Variants in WDR49 observed in about 807,000 individuals in gnomAD.
WDR49 encodes cilia- and flagella-associated protein 337.
A neutral mutation model predicts 119.5 loss-of-function variants in WDR49; 107 were observed. The observed-to-expected ratio is 0.90, with a 90% CI of 0.77 to 1.05. The LOEUF (loss-of-function observed/expected upper bound fraction) is 1.05. Ranked by LOEUF, WDR49 falls within the 50% of genes least tolerant of loss-of-function variation. The pLI is 0.00. For missense variants in WDR49, 1,240 were observed against 1,220.5 expected, an observed-to-expected ratio of 1.02 and a Z score of -0.24; for synonymous variants, 425 against 418.8, an observed-to-expected ratio of 1.01 and a Z score of -0.18.
intron 5 of WDR49, among the ~76,000 whole-genome samples, chr3:167,608,031 C>A (rs1487178557): frequency 1.3e-5 from 2 of 151,992 alleles, no homozygotes; most frequent in Non-Finnish European, 2.9e-5. Context: ...AAGGAGAATC[C>A]TTTAAGTTTT....
intron 16 of WDR49, among the ~76,000 whole-genome samples, chr3:167,512,806 T>C (rs1164508873): frequency 6.6e-6 from 1 of 152,106 alleles, no homozygotes; most frequent in African/African-American, 2.4e-5. Flanking sequence ...AACTTCACAA[T>C]GCAATCACAA....
At chr3:167,583,003 AAG>A (rs1304329356) in intron 7 of WDR49, among the ~76,000 whole-genome samples, 4 of 150,816 alleles carry the variant, frequency 2.7e-5, no homozygotes, top group South Asian at 2.1e-4. Context: ...TAGAGAGAGA[AAG>A]AGAGAGAGAG....
chr3:167,577,622 C>A (rs1319590386), intron 7 of WDR49, among the ~76,000 whole-genome samples: 1 of 151,936 alleles, frequency 6.6e-6, no homozygotes, highest in African/African-American at 2.4e-5. Context: ...TGATGACCAG[C>A]CTGTAATGCG....
chr3:167,494,842 T>C (rs147039830), intron 18 of WDR49, among the ~76,000 whole-genome samples: 2 of 152,208 alleles, frequency 1.3e-5, no homozygotes, highest in Non-Finnish European at 2.9e-5. Context: ...TGCAGAGTAA[T>C]GTTTTCTGCA....
intron 16 of WDR49, among the ~76,000 whole-genome samples, chr3:167,516,458 C>T (rs1373814294): frequency 6.6e-6 from 1 of 152,078 alleles, no homozygotes; most frequent in East Asian, 1.9e-4. Flanking sequence ...CATAGTATTC[C>T]ATGGTGTATA....
chr3:167,563,464 T>C (rs1324466793), intron 8 of WDR49, among the ~76,000 whole-genome samples: 1 of 152,082 alleles, frequency 6.6e-6, no homozygotes, highest in African/African-American at 2.4e-5. Flanking sequence ...TTGGATTACA[T>C]TCATTACAGA....
chr3:167,519,664 A>G (rs1381166982), intron 16 of WDR49, among the ~76,000 whole-genome samples: 2 of 152,090 alleles, frequency 1.3e-5, no homozygotes, highest in Non-Finnish European at 2.9e-5. Context: ...GGGGAGCATC[A>G]TGAAAAATTG....
intron 3 of WDR49, among the ~76,000 whole-genome samples, chr3:167,625,808 G>T (rs1298516803): frequency 2.0e-5 from 3 of 151,476 alleles, no homozygotes; most frequent in African/African-American, 7.3e-5. Context: ...GGAATGGCTG[G>T]ACATATTAAA....
chr3:167,582,597 T>C (rs1714594396), intron 7 of WDR49, among the ~76,000 whole-genome samples: 1 of 152,122 alleles, frequency 6.6e-6, no homozygotes, highest in African/African-American at 2.4e-5. Context: ...TCATTGACCT[T>C]AAAAGAGGCA....
At chr3:167,604,544 A>G in intron 5 of WDR49, 76 bp from the exon 6 acceptor site, 1 of 1,377,640 alleles carries the variant, frequency 7.3e-7, no homozygotes, top group East Asian at 2.5e-5. Flanking sequence ...GAGCTGTTTT[A>G]ATATGGAAAG....
At chr3:167,564,388 T>C (rs1713464190) in intron 8 of WDR49, among the ~76,000 whole-genome samples, 1 of 152,162 alleles carries the variant, frequency 6.6e-6, no homozygotes, top group Non-Finnish European at 1.5e-5. Context: ...CAAAGTTTAG[T>C]GAAAGAGGAG....
At chr3:167,549,816 T>C (rs1218039502) in intron 10 of WDR49, among the ~76,000 whole-genome samples, 6 of 152,216 alleles carry the variant, frequency 3.9e-5, no homozygotes, top group Non-Finnish European at 5.9e-5. Flanking sequence ...CCAGGATGTT[T>C]ACGGTTTTAG....
In WDR49 at chr3:167,560,102, T is replaced by A; in HGVS notation, c.1636A>T (p.Thr546Ser). 1 of 1,614,124 alleles carries A rather than the reference T, an allele frequency of 6.2e-7. No homozygotes were observed. Among genetic ancestry groups the A allele is most frequent in the Non-Finnish European group, 8.5e-7 (1 of 1,180,012 alleles). Residue 546 changes from threonine (T) to serine (S), a missense_variant, in exon 9 of 19, where the codon ACT (threonine) becomes TCT (serine). By Grantham distance (58) the Thr-to-Ser change is moderately conservative. Transcript: ENST00000682715. ...TCTGTGCTGCCAGTCAAAAGCCGAG[T>A]CTCATTTGCATCAAGGGCCATAGTG... Reference protein sequence around the residue: ...ISTMALDANETRLLTGSTDGT... With the variant: ...ISTMALDANESRLLTGSTDGT...
At chr3:167,607,090 C>A (rs762879372) in intron 5 of WDR49, among the ~76,000 whole-genome samples, 4 of 152,190 alleles carry the variant, frequency 2.6e-5, no homozygotes, top group Non-Finnish European at 5.9e-5. Flanking sequence ...CTTCTCTATA[C>A]GGCATTCCTT....
chr3:167,527,493 G>T (rs1018199465), intron 15 of WDR49, among the ~76,000 whole-genome samples: 24 of 151,820 alleles, frequency 1.6e-4, no homozygotes, highest in African/African-American at 4.8e-4. Flanking sequence ...TTAGTTACAT[G>T]ATCATTTTAT....
intron 9 of WDR49, among the ~76,000 whole-genome samples, chr3:167,558,760 C>A (rs1474839024): frequency 6.6e-5 from 10 of 152,092 alleles, no homozygotes; most frequent in African/African-American, 2.4e-5. Flanking sequence ...ACAAGGTAAG[C>A]CTTACCCTAG....
chr3:167,635,388 T>TAAA (rs1717564104), intron 2 of WDR49, among the ~76,000 whole-genome samples: 3 of 151,898 alleles, frequency 2.0e-5, no homozygotes, highest in African/African-American at 7.2e-5. Context: ...AAAGTATAGT[T>TAAA]CTATTAGTAA....
chr3:167,518,354 T>C (rs1026915992), intron 16 of WDR49, among the ~76,000 whole-genome samples: 119 of 152,096 alleles, frequency 7.8e-4, no homozygotes, highest in Middle Eastern at 3.4e-3. Context: ...CCACCAACAG[T>C]GTAAAAGTGT....
chr3:167,552,507 G>C (rs1712635693), intron 10 of WDR49, among the ~76,000 whole-genome samples: 1 of 152,054 alleles, frequency 6.6e-6, no homozygotes, highest in African/African-American at 2.4e-5. Flanking sequence ...GGGAGAACCA[G>C]AGTGGATGAC....
Sources: allele counts gnomAD v4.1 joint callset (sites outside exome capture counted in the v4.1 genomes callset), GRCh38; gene constraint gnomAD v4.1.1; transcripts MANE v1.5; gene names NCBI Gene and HGNC (gene_info 2026-07-23, HGNC 2026-07-21).